The following REEP3 variants were observed in gnomAD, a reference collection of about 807,000 sequenced individuals.
REEP3 encodes the protein receptor accessory protein 3.
Under a neutral mutation model 41.3 loss-of-function variants are expected in REEP3, and 20 were observed. The ratio of observed to expected loss-of-function variants is 0.48; its 90% confidence interval spans 0.34 to 0.70. The LOEUF (loss-of-function observed/expected upper bound fraction) is 0.70. Among genes scored for constraint, REEP3 ranks in the 30% least tolerant of loss-of-function variants. The probability of loss-of-function intolerance (pLI) is 0.01; values close to 1 mark genes in which losing one functional copy is unlikely to be tolerated. For synonymous variants in REEP3, 104 were observed against 101.8 expected (o/e 1.02, Z -0.13); for missense variants, 271 against 308.8 (o/e 0.88, Z 0.92).
intron 1 of REEP3, among the ~76,000 whole-genome samples, chr10:63,532,772 C>A (rs955018109): frequency 6.6e-6 from 1 of 152,008 alleles, no homozygotes; most frequent in Admixed American, 6.6e-5. Context: ...ATGGCATGCG[C>A]CTGCAGTCCC....
At chr10:63,619,521 A>T in intron 6 of REEP3, 134 bp from the exon 7 acceptor site, 1 of 653,134 alleles carries the variant, frequency 1.5e-6, no homozygotes, top group Non-Finnish European at 2.5e-6. Flanking sequence ...AAGGGCATGG[A>T]GCACATTCCA....
chr10:63,548,977 GT>G (rs1007833362), intron 1 of REEP3, among the ~76,000 whole-genome samples: 27 of 146,494 alleles, frequency 1.8e-4, no homozygotes, highest in South Asian at 2.2e-4. Flanking sequence ...TGCCCTTTGA[GT>G]TTTTTTTTTT....
intron 1 of REEP3, among the ~76,000 whole-genome samples, chr10:63,533,635 C>T (rs183588142): frequency 6.6e-6 from 1 of 150,962 alleles, no homozygotes; most frequent in East Asian, 1.9e-4. Context: ...TTTAATGGAT[C>T]GTGAGTGAAT....
chr10:63,533,708 A>ATTTTTTTTT (rs1464023228), intron 1 of REEP3, among the ~76,000 whole-genome samples: 1 of 93,916 alleles, frequency 1.1e-5, no homozygotes, highest in African/African-American at 3.3e-5. Context: ...AAGTATGTAA[A>ATTTTTTTTT]TCTTTTTTTT....
chr10:63,618,938 C>T (rs1159773608), intron 6 of REEP3, among the ~76,000 whole-genome samples: 2 of 152,352 alleles, frequency 1.3e-5, no homozygotes, highest in South Asian at 2.1e-4. Context: ...TTTATAGCTA[C>T]ACATAACAGC....
intron 2 of REEP3, among the ~76,000 whole-genome samples, chr10:63,581,740 AT>A (rs1049082808): frequency 6.8e-6 from 1 of 147,404 alleles, no homozygotes; most frequent in East Asian, 1.9e-4. Context: ...AAGACCCTGT[AT>A]TTAAAAAAAA....
chr10:63,578,398 G>A lies in REEP3; in HGVS notation c.105+11988G>A, dbSNP rs969440617. Among the ~76,000 whole-genome samples, 36 of 152,006 alleles carry A rather than the reference G, an allele frequency of 2.4e-4. 1 individual carries two copies. The highest frequency in any genetic ancestry group is 1.3e-3 in the Admixed American group (20 of 15,268). ...CAGGCGTGGGCCACAGCGCCCACCC[G>A]ATTTACTCTATAATATTAAGTAAGA... On this transcript the variant is annotated intron_variant, in intron 2 of 7. Coordinates refer to ENST00000373758, the MANE Select transcript of REEP3 (RefSeq NM_001001330.3).
In REEP3 at chr10:63,588,046, C is replaced by G. The variant is rs532201327; in HGVS notation, c.106-6732C>G. Among the ~76,000 whole-genome samples, 4 of 152,308 alleles carry G rather than the reference C, an allele frequency of 2.6e-5. No individual in the cohort carries two copies. In the East Asian group the frequency reaches 7.7e-4, roughly 29 times the overall value. ...GTCTTCCCTAGACAGCTCCCTTTCCCATCCTTAAAAACATCTTTTCTAAAC... is the reference window on the plus strand; with the variant it reads ...GTCTTCCCTAGACAGCTCCCTTTCCGATCCTTAAAAACATCTTTTCTAAAC... On this transcript the variant is annotated intron_variant, in intron 2 of 7. Transcript: ENST00000373758.
intron 3 of REEP3, among the ~76,000 whole-genome samples, chr10:63,595,174 C>T (rs1367899389): frequency 6.6e-6 from 1 of 152,188 alleles, no homozygotes; most frequent in Non-Finnish European, 1.5e-5. Flanking sequence ...TGTATCACTT[C>T]CTAAATGACT....
intron 5 of REEP3, among the ~76,000 whole-genome samples, chr10:63,605,597 AAAT>A: frequency 6.6e-6 from 1 of 152,384 alleles, no homozygotes; most frequent in African/African-American, 2.4e-5. Context: ...CTGATAAACA[AAAT>A]AAGTTCTTAT....
chr10:63,524,948 G>A (rs1024303996), intron 1 of REEP3, among the ~76,000 whole-genome samples: 2 of 151,936 alleles, frequency 1.3e-5, no homozygotes, highest in African/African-American at 4.8e-5. Context: ...GGAGGCAAAG[G>A]TTGCAGTGAG....
chr10:63,589,956 G>A (rs1280205114), intron 2 of REEP3, among the ~76,000 whole-genome samples: 7 of 151,568 alleles, frequency 4.6e-5, no homozygotes, highest in African/African-American at 1.7e-4. Context: ...TACCATGCCC[G>A]GCTAATTTTT....
intron 1 of REEP3, among the ~76,000 whole-genome samples, chr10:63,554,488 A>T (rs1017470373): frequency 7.2e-5 from 11 of 152,224 alleles, no homozygotes; most frequent in Admixed American, 6.5e-4. Flanking sequence ...TATACATTGT[A>T]TGAAATACAG....
At chr10:63,575,790 G>C (rs1370787423) in intron 2 of REEP3, among the ~76,000 whole-genome samples, 1 of 152,204 alleles carries the variant, frequency 6.6e-6, no homozygotes, top group Admixed American at 6.5e-5. Flanking sequence ...CTGGAGTGCA[G>C]TGGTGCAATC....
At chr10:63,562,503 C>G (rs1326422936) in intron 1 of REEP3, 2 of 454,156 alleles carry the variant, frequency 4.4e-6, no homozygotes. Flanking sequence ...GTAATCCATC[C>G]CCCTCAACCT....
rs778300454 is a variant in REEP3, at chr10:63,585,063, C to CT, written c.106-9714dup. 4.9e-4 allele frequency among the ~76,000 whole-genome samples: 75 copies of CT among 152,240 alleles called. 2 individuals carry two copies. The highest frequency in any genetic ancestry group is 1.6e-3 in the Admixed American group (25 of 15,292). ...GAGAGTTTGAAGAGTTGTTTAAACT[C>CT]TGTTAACTTTGAAAAAATAGGCTAT... On this transcript the variant is annotated intron_variant, in intron 2 of 7. Transcript: ENST00000373758.
chr10:63,613,703 A>G lies in REEP3; in HGVS notation c.565+3369A>G, dbSNP rs533619641. 3.9e-5 allele frequency among the ~76,000 whole-genome samples: 6 copies of G among 152,342 alleles called. 1 individual carries two copies. Among genetic ancestry groups the G allele is most frequent in the Non-Finnish European group, 8.8e-5 (6 of 68,030 alleles). On this transcript the variant is annotated intron_variant, in intron 6 of 7. Transcript: ENST00000373758. ...ATCAAATGAGAAAGACTGTCTTTCAAATTGGTGGAGGAAAGACAGATTATT... is the reference window on the plus strand; with the variant it reads ...ATCAAATGAGAAAGACTGTCTTTCAGATTGGTGGAGGAAAGACAGATTATT...
intron 1 of REEP3, among the ~76,000 whole-genome samples, chr10:63,523,733 G>A (rs895570342): frequency 1.2e-4 from 19 of 152,230 alleles, no homozygotes; most frequent in Admixed American, 1.0e-3. Flanking sequence ...AAAGCCCAGA[G>A]GAGGAAAAGC....
intron 1 of REEP3, among the ~76,000 whole-genome samples, chr10:63,532,702 A>G (rs1955434788): frequency 6.6e-6 from 1 of 151,428 alleles, no homozygotes; most frequent in Non-Finnish European, 1.5e-5. Flanking sequence ...GTTCCACACC[A>G]GCCTGGGCAA....
Sources: allele counts gnomAD v4.1 joint callset (sites outside exome capture counted in the v4.1 genomes callset), GRCh38; gene constraint gnomAD v4.1.1; transcripts MANE v1.5; gene names NCBI Gene and HGNC (gene_info 2026-07-23, HGNC 2026-07-21).